ADAMTSL3: variants seen among roughly 807,000 people sequenced by gnomAD.
ADAMTSL3 encodes the protein ADAMTS like 3, also known as ADAMTS-like protein 3.
ADAMTSL3 carries 128 observed loss-of-function variants against 201.7 expected under a neutral mutation model. The ratio of observed to expected loss-of-function variants is 0.63; its 90% CI spans 0.55 to 0.73. ADAMTSL3 has a LOEUF of 0.73. Ranked by LOEUF, ADAMTSL3 falls within the 30% of genes least tolerant of loss-of-function variation. The pLI, the probability that ADAMTSL3 is intolerant of heterozygous loss-of-function variation, is 0.00. For synonymous variants in ADAMTSL3, 738 were observed against 748.4 expected (o/e 0.99, Z 0.23); for missense variants, 1,990 against 2,119.6 (o/e 0.94, Z 1.20).
At position 83,933,248 on chromosome 15, in the gene ADAMTSL3, C is replaced by T. The variant is rs534972305; in HGVS notation, c.2117+9215C>T. Reference sequence around the variant, plus strand: ...GTAAAATATCCACAAAAGGTAGATACAGAGGAAATATTGAGAAGGTTTATC... The same window carrying T: ...GTAAAATATCCACAAAAGGTAGATATAGAGGAAATATTGAGAAGGTTTATC... On this transcript the variant is annotated intron_variant, in intron 17 of 29. Transcript: ENST00000286744. 3.9e-5 allele frequency among the ~76,000 whole-genome samples: 6 copies of T among 152,160 alleles called. No individual in the cohort carries two copies. The East Asian group carries it at 9.6e-4, about 24-fold the overall frequency.
intron 28 of ADAMTSL3, 89 bp downstream of exon 28, chr15:84,031,521 G>T: frequency 8.6e-7 from 1 of 1,166,476 alleles, no homozygotes; most frequent in Non-Finnish European, 1.3e-6. Flanking sequence ...ATCCTTTCTA[G>T]TTTCTACCAA....
At chr15:83,722,000 G>A (rs1433337112) in intron 3 of ADAMTSL3, among the ~76,000 whole-genome samples, 3 of 152,228 alleles carry the variant, frequency 2.0e-5, no homozygotes, top group African/African-American at 7.2e-5. Flanking sequence ...CAAAGTGCTG[G>A]GATTACAGGC....
chr15:83,843,520 G>A (rs1317827526), intron 7 of ADAMTSL3, among the ~76,000 whole-genome samples: 1 of 152,184 alleles, frequency 6.6e-6, no homozygotes, highest in Non-Finnish European at 1.5e-5. Context: ...TTTTGGCTGG[G>A]ATTTTTTCCC....
At chr15:83,871,855 T>C (rs2065086652) in intron 9 of ADAMTSL3, among the ~76,000 whole-genome samples, 1 of 152,176 alleles carries the variant, frequency 6.6e-6, no homozygotes, top group Non-Finnish European at 1.5e-5. Flanking sequence ...AAAATGTAAA[T>C]GGAAGCTAGG....
chr15:83,739,893 C>G (rs574099137), intron 3 of ADAMTSL3: 2 of 591,810 alleles, frequency 3.4e-6, no homozygotes, highest in African/African-American at 3.7e-5. Context: ...GACCAGATGC[C>G]AGTGACAAGA....
rs188513435 is a variant in ADAMTSL3, at chr15:83,943,430, T to C, written c.2490+348T>C. Reference sequence around the variant, plus strand: ...CCTTGTGTCCTCCCATGTGGAATCATTCATTAAGCCCCGTCATTCCAACAT... The same window carrying C: ...CCTTGTGTCCTCCCATGTGGAATCACTCATTAAGCCCCGTCATTCCAACAT... On this transcript the variant is annotated intron_variant, in intron 19 of 29. Transcript: ENST00000286744. Among the ~76,000 whole-genome samples, 4 of 152,370 alleles carry C rather than the reference T, an allele frequency of 2.6e-5. No homozygotes were observed. In the East Asian group the frequency reaches 7.7e-4, roughly 29 times the overall value.
intron 8 of ADAMTSL3, among the ~76,000 whole-genome samples, chr15:83,859,082 C>A (rs2141776904): frequency 6.6e-6 from 1 of 152,330 alleles, no homozygotes; most frequent in East Asian, 1.9e-4. Context: ...GAGAATCAAA[C>A]AGCTCATGCT....
At chr15:83,852,917 C>A (rs903769615) in intron 7 of ADAMTSL3, among the ~76,000 whole-genome samples, 4 of 152,042 alleles carry the variant, frequency 2.6e-5, no homozygotes, top group Non-Finnish European at 5.9e-5. Context: ...AATGCAGTGG[C>A]GTGATCTTGG....
At chr15:83,929,699 C>G (rs1024692183) in intron 17 of ADAMTSL3, among the ~76,000 whole-genome samples, 17 of 150,334 alleles carry the variant, frequency 1.1e-4, no homozygotes, top group Non-Finnish European at 1.8e-4. Context: ...CACACACACA[C>G]AGAGAGAGAC....
intron 5 of ADAMTSL3, among the ~76,000 whole-genome samples, chr15:83,808,976 A>C (rs995652877): frequency 2.0e-5 from 3 of 151,808 alleles, no homozygotes; most frequent in Admixed American, 2.0e-4. Context: ...TGGTTACCAG[A>C]GACTGGGGAG....
intron 5 of ADAMTSL3, among the ~76,000 whole-genome samples, chr15:83,813,606 C>T (rs1340006548): frequency 6.6e-6 from 1 of 152,156 alleles, no homozygotes; most frequent in African/African-American, 2.4e-5. Flanking sequence ...ACCACTCTCC[C>T]TGACAATTCA....
chr15:83,674,331 G>T (rs1206521381), intron 2 of ADAMTSL3, among the ~76,000 whole-genome samples: 1 of 151,956 alleles, frequency 6.6e-6, no homozygotes, highest in East Asian at 1.9e-4. Context: ...ACTCACTTTT[G>T]CCTATGATGT....
At chr15:83,813,064 A>G (rs111815768) in intron 5 of ADAMTSL3, among the ~76,000 whole-genome samples, 26 of 152,380 alleles carry the variant, frequency 1.7e-4, no homozygotes, top group African/African-American at 5.0e-4. Flanking sequence ...TGCAGACAGC[A>G]GTAGCTAAAG....
chr15:83,916,202 A>G (rs2066029714), intron 16 of ADAMTSL3, among the ~76,000 whole-genome samples: 1 of 152,184 alleles, frequency 6.6e-6, no homozygotes, highest in African/African-American at 2.4e-5. Context: ...TTGCTTTATG[A>G]TATACTCTTG....
At chr15:83,944,655 G>A (rs2066622182) in intron 19 of ADAMTSL3, among the ~76,000 whole-genome samples, 1 of 152,128 alleles carries the variant, frequency 6.6e-6, no homozygotes, top group South Asian at 2.1e-4. Context: ...TCAAACCCAG[G>A]CCTGTGTGAC....
chr15:83,840,080 A>G (rs1324725491), intron 7 of ADAMTSL3, among the ~76,000 whole-genome samples: 4 of 152,178 alleles, frequency 2.6e-5, no homozygotes, highest in Admixed American at 2.6e-4. Context: ...GAGTATGTAG[A>G]ATATAAGAGG....
At chr15:83,684,769 C>T (rs918925175) in intron 2 of ADAMTSL3, among the ~76,000 whole-genome samples, 1 of 151,778 alleles carries the variant, frequency 6.6e-6, no homozygotes, top group Admixed American at 6.6e-5. Flanking sequence ...ATTTATTCTC[C>T]TGTTGTACAT....
intron 7 of ADAMTSL3, among the ~76,000 whole-genome samples, chr15:83,850,970 G>A (rs1002514012): frequency 6.6e-6 from 1 of 152,184 alleles, no homozygotes; most frequent in African/African-American, 2.4e-5. Context: ...TGCTCAAAAT[G>A]TGGCTCACAG....
intron 15 of ADAMTSL3, among the ~76,000 whole-genome samples, chr15:83,904,698 T>G (rs925192760): frequency 6.6e-6 from 1 of 152,228 alleles, no homozygotes; most frequent in Non-Finnish European, 1.5e-5. Context: ...TGGTTCATGG[T>G]TGTTTTAAAA....
Sources: allele counts gnomAD v4.1 joint callset (sites outside exome capture counted in the v4.1 genomes callset), GRCh38; gene constraint gnomAD v4.1.1; transcripts MANE v1.5; gene names NCBI Gene and HGNC (gene_info 2026-07-23, HGNC 2026-07-21).